The following ICE1 variants were observed in gnomAD, a reference collection of about 807,000 sequenced individuals.
The protein encoded by ICE1 is little elongation complex subunit 1.
ICE1 carries 64 observed loss-of-function variants against 192.7 expected under a neutral mutation model. That is an observed-to-expected ratio of 0.33 (90% CI 0.27 to 0.41). ICE1 has a LOEUF of 0.41. Ranked by LOEUF, ICE1 falls within the 10% of genes least tolerant of loss-of-function variation. ICE1 has a pLI of 1.00. For missense variants in ICE1, 2,708 were observed against 2,696.0 expected, an observed-to-expected ratio of 1.00 and a Z score of -0.10; for synonymous variants, 1,010 against 984.5, an observed-to-expected ratio of 1.03 and a Z score of -0.49.
At chr5:5,447,635 T>G in intron 8 of ICE1, 86 bp from the exon 9 acceptor site, 4 of 1,393,688 alleles carry the variant, frequency 2.9e-6, no homozygotes, top group Non-Finnish European at 4.0e-6. Context: ...CCCAGCTGCC[T>G]GTTAAGTTGC....
chr5:5,446,770 TC>T (rs1738238812), intron 7 of ICE1, among the ~76,000 whole-genome samples: 1 of 151,956 alleles, frequency 6.6e-6, no homozygotes, highest in African/African-American at 2.4e-5. Context: ...GTTAGAGGAG[TC>T]AGGAGAGGAT....
intron 15 of ICE1, among the ~76,000 whole-genome samples, chr5:5,469,537 C>G (rs1247915048): frequency 6.6e-6 from 1 of 152,128 alleles, no homozygotes; most frequent in African/African-American, 2.4e-5. Context: ...TAATGAGAGT[C>G]TAACTACCGG....
chr5:5,423,831 C>T (rs1561068336), intron 1 of ICE1, among the ~76,000 whole-genome samples: 1 of 152,184 alleles, frequency 6.6e-6, no homozygotes, highest in Non-Finnish European at 1.5e-5. Flanking sequence ...GTTCTAGGAA[C>T]TACAGACATT....
At position 5,464,025 on chromosome 5, in the gene ICE1, C is replaced by T. The variant is rs771182072; in HGVS notation, c.4691C>T (p.Ser1564Leu). 14 of 1,613,558 alleles carry T rather than the reference C, an allele frequency of 8.7e-6. No individual in the cohort carries two copies. The highest frequency in any genetic ancestry group is 1.2e-5 in the Non-Finnish European group (14 of 1,179,808). The stretch of plus-strand genomic sequence containing the variant: ...TCAAAGATTTCAAACAAAGATCAGT[C>T]AAACAAACCAGTAAAAACTTCAGCG... Reference protein sequence around the residue: ...NRSKISNKDQSNKPVKTSASS... With the variant: ...NRSKISNKDQLNKPVKTSASS... The change falls in exon 13 of 19, where the codon TCA becomes TTA. Residue 1564 changes from serine (S) to leucine (L), a missense_variant. Around this residue, in one of 2 missense-constraint regions of ICE1, gnomAD observed 2,366 missense variants for 2,276.6 expected, o/e 1.04. Transcript: ENST00000296564. The surrounding 1 kb of genome is among the most constrained non-coding windows in gnomAD (Gnocchi z 4.0).
chr5:5,475,899 A>C, intron 16 of ICE1, 74 bp from the exon 17 acceptor site: 2 of 915,956 alleles, frequency 2.2e-6, no homozygotes, highest in South Asian at 2.9e-5. Flanking sequence ...CTTATTGCTT[A>C]AGGATCATTT....
In ICE1 at chr5:5,463,971, T is replaced by C. The variant is rs774862998; in HGVS notation, c.4637T>C (p.Leu1546Pro). The C allele has an allele frequency of 6.2e-7, 1 of 1,613,796 alleles. No individual in the cohort carries two copies. Among genetic ancestry groups the C allele is most frequent in the Admixed American group, 1.7e-5 (1 of 59,994 alleles). ...ASDHTYYNSKLEPSGKNKNRS... is the reference protein window; with the variant it reads ...ASDHTYYNSKPEPSGKNKNRS... ...GATCACACATATTATAACTCAAAAC[T>C]AGAGCCATCTGGCAAAAATAAGAAT... Residue 1546 changes from leucine (L) to proline (P), a missense_variant, in exon 13 of 19, where the codon CTA becomes CCA. Transcript: ENST00000296564.
Position 5,437,310 on chromosome 5 carries a change from A to G in ICE1, c.178+196A>G, listed in dbSNP as rs1275107546. The G allele has an allele frequency of 1.1e-5, 5 of 461,846 alleles. No individual in the cohort carries two copies. In the Admixed American group the frequency reaches 1.2e-4, roughly 11 times the overall value. 28.6% of individuals were successfully genotyped at this position (461,846 alleles called of 1,614,324 possible). On this transcript the variant is annotated intron_variant, in intron 3 of 18. Transcript: ENST00000296564. ...TCCATGTTTAATGATGAGTTTTAAA[A>G]ATGAGATTACTTTTCTTGTTGATTG... is the stretch of plus-strand genomic sequence containing the variant.
chr5:5,468,756 T>C, intron 14 of ICE1, 72 bp from the exon 15 acceptor site: 6 of 927,528 alleles, frequency 6.5e-6, no homozygotes, highest in Non-Finnish European at 9.1e-6. Context: ...ATTAATACAA[T>C]TTGTTCTTAA....
intron 17 of ICE1, among the ~76,000 whole-genome samples, chr5:5,478,693 CTA>C (rs1369990056): frequency 6.6e-6 from 1 of 152,146 alleles, no homozygotes; most frequent in Non-Finnish European, 1.5e-5. Context: ...AGACTTCAAA[CTA>C]TACTAAAAGG....
At position 5,464,297 on chromosome 5, in the gene ICE1, T is replaced by C. The variant is rs370382183; in HGVS notation, c.4963T>C (p.Ser1655Pro). ...TTCACAGCCACTGTCTCCACTGATATCGAGTTCTAGTCCTTCCTCACCAGC... is the reference window on the plus strand; with the variant it reads ...TTCACAGCCACTGTCTCCACTGATACCGAGTTCTAGTCCTTCCTCACCAGC... ...RTSQPLSPLI[S>P]SSSPSSPASP... Residue 1655 changes from serine (S) to proline (P), a missense_variant, in exon 13 of 19, where the codon TCG becomes CCG. By Grantham distance (74) the Ser-to-Pro change is moderately conservative (BLOSUM62 -1). This residue lies in a region of ICE1 where 2,366 missense variants were observed against 2,276.6 expected (regional missense o/e 1.04). Transcript: ENST00000296564. The surrounding 1 kb of genome is among the most constrained non-coding windows in gnomAD (Gnocchi z 4.0). 4.3e-5 allele frequency: 70 copies of C among 1,613,554 alleles called. No homozygotes were observed. Among genetic ancestry groups the C allele is most frequent in the South Asian group, 1.2e-4 (11 of 91,064 alleles).
chr5:5,467,291 TGTCC>T (rs1316522690), intron 14 of ICE1, among the ~76,000 whole-genome samples: 1 of 152,208 alleles, frequency 6.6e-6, no homozygotes, highest in East Asian at 1.9e-4. Flanking sequence ...GAGGTACACT[TGTCC>T]AGTGGGACTG....
intron 5 of ICE1, 92 bp from the exon 6 acceptor site, chr5:5,443,076 T>G (rs906699280): frequency 1.5e-6 from 1 of 666,558 alleles, no homozygotes; most frequent in Non-Finnish European, 2.5e-6. Flanking sequence ...GTCTGTTTAT[T>G]TGGTTAATAG....
Position 5,463,083 on chromosome 5 carries a change from A to G in ICE1, c.3749A>G (p.Gln1250Arg). The G allele has an allele frequency of 6.2e-7, 1 of 1,613,592 alleles. No homozygotes were observed. Among genetic ancestry groups the G allele is most frequent in the Non-Finnish European group, 8.5e-7 (1 of 1,179,752 alleles). The change falls in exon 13 of 19, where the codon CAG (glutamine) becomes CGG (arginine). Residue 1250 changes from glutamine to arginine, a missense_variant. Coordinates refer to ENST00000296564, the MANE Select transcript of ICE1 (RefSeq NM_015325.3). ...GATTATTCGTTAAAAAATACAAGTC[A>G]GCTCACTCAGTGTTCTTTGGAAACT... Reference protein sequence around the residue: ...EDDYSLKNTSQLTQCSLETLS... With the variant: ...EDDYSLKNTSRLTQCSLETLS...
intron 7 of ICE1, 34 bp downstream of exon 7, chr5:5,444,360 T>G: frequency 6.6e-7 from 1 of 1,515,920 alleles, no homozygotes; most frequent in Non-Finnish European, 9.0e-7. Context: ...AAGTTTTCGG[T>G]CAGTACAAAA....
chr5:5,473,860 A>G, intron 16 of ICE1, 112 bp downstream of exon 16: 1 of 694,654 alleles, frequency 1.4e-6, no homozygotes, highest in East Asian at 3.1e-5. Flanking sequence ...GGCAGATGAA[A>G]CATTTACAAA....
chr5:5,481,667 G>A (rs1739506200), intron 17 of ICE1, among the ~76,000 whole-genome samples: 1 of 152,218 alleles, frequency 6.6e-6, no homozygotes, highest in African/African-American at 2.4e-5. Context: ...AAATAAAATA[G>A]TATACACGGT....
intron 1 of ICE1, among the ~76,000 whole-genome samples, chr5:5,431,757 C>T (rs1407943664): frequency 6.6e-6 from 1 of 152,010 alleles, no homozygotes; most frequent in Non-Finnish European, 1.5e-5. Context: ...TGGTTTGAAT[C>T]CTATTGAAGT....
At chr5:5,469,225 C>T (rs1010247811) in intron 15 of ICE1, among the ~76,000 whole-genome samples, 3 of 152,162 alleles carry the variant, frequency 2.0e-5, no homozygotes, top group African/African-American at 7.2e-5. Flanking sequence ...GTGTTATACA[C>T]TAATTTGTGA....
chr5:5,459,055 A>G (rs1738677610), intron 12 of ICE1, among the ~76,000 whole-genome samples: 1 of 151,950 alleles, frequency 6.6e-6, no homozygotes, highest in Non-Finnish European at 1.5e-5. Context: ...TTGCATTTTC[A>G]GTAGAGATGG....
Sources: gnomAD v4.1 joint callset for allele counts (sites outside exome capture counted in the v4.1 genomes callset) on GRCh38, gnomAD v4.1.1 for gene constraint, gnomAD v4.1.1 regional missense constraint, Gnocchi (gnomAD v3.1) non-coding constraint, MANE v1.5 for transcripts, NCBI Gene and HGNC (gene_info 2026-07-23, HGNC 2026-07-21) for gene names.